MICAL3: variants seen among roughly 807,000 people sequenced by gnomAD.
MICAL3 encodes the protein [F-actin]-monooxygenase MICAL3.
MICAL3 carries 62 observed loss-of-function variants against 207.4 expected under a neutral mutation model. The observed-to-expected ratio is 0.30, with a 90% confidence interval of 0.24 to 0.37. MICAL3 has a LOEUF of 0.37. Ranked by LOEUF, MICAL3 falls within the 10% of genes least tolerant of loss-of-function variation. The pLI, the probability that MICAL3 is intolerant of heterozygous loss-of-function variation, is 1.00. For missense variants in MICAL3, 2,368 were observed against 2,635.6 expected, an observed-to-expected ratio of 0.90 and a Z score of 2.22; for synonymous variants, 1,077 against 1,069.3, an observed-to-expected ratio of 1.01 and a Z score of -0.14.
chr22:17,894,151 C>A (rs1930626306), intron 10 of MICAL3, among the ~76,000 whole-genome samples: 1 of 152,082 alleles, frequency 6.6e-6, no homozygotes, highest in Non-Finnish European at 1.5e-5. Flanking sequence ...GTGGCTCACA[C>A]CTATAATCCC....
chr22:17,856,649 C>G (rs1925931455), intron 19 of MICAL3, among the ~76,000 whole-genome samples: 1 of 125,352 alleles, frequency 8.0e-6, no homozygotes, highest in African/African-American at 3.0e-5. Context: ...GAGTCTCGCT[C>G]TGTCGCCCAG....
At chr22:17,863,695 C>T in intron 19 of MICAL3, 1 of 985,450 alleles carries the variant, frequency 1.0e-6, no homozygotes, top group Non-Finnish European at 1.2e-6. Context: ...GGGCACACCG[C>T]CTAGCCTCTG....
intron 19 of MICAL3, among the ~76,000 whole-genome samples, chr22:17,848,071 C>T (rs947612665): frequency 7.9e-5 from 12 of 152,188 alleles, no homozygotes; most frequent in African/African-American, 2.4e-4. Context: ...CATTCTGAAC[C>T]GCAACGTCTC....
chr22:17,809,303 C>T (rs575043402), intron 28 of MICAL3, among the ~76,000 whole-genome samples: 2 of 152,290 alleles, frequency 1.3e-5, no homozygotes, highest in Admixed American at 1.3e-4. Flanking sequence ...GAGGGGGTTC[C>T]TGAAGAGTGC....
intron 21 of MICAL3, 42 bp downstream of exon 21, chr22:17,831,812 T>TG (rs1281820805): frequency 1.3e-6 from 2 of 1,537,300 alleles, no homozygotes; most frequent in Non-Finnish European, 1.8e-6. Context: ...CAGATCACTT[T>TG]GGGGGGCAGG....
chr22:17,810,931 G>T, intron 27 of MICAL3, 118 bp from the exon 28 acceptor site: 1 of 750,422 alleles, frequency 1.3e-6, no homozygotes. Context: ...TGGTACCCGG[G>T]CAGATAGGAC....
chr22:18,014,216 G>A (rs573170884), intron 1 of MICAL3, among the ~76,000 whole-genome samples: 16 of 152,210 alleles, frequency 1.1e-4, no homozygotes, highest in Admixed American at 2.6e-4. Context: ...CACAGGGTGC[G>A]CATAATACAA....
At chr22:18,015,912 A>G (rs1924026183) in intron 1 of MICAL3, among the ~76,000 whole-genome samples, 1 of 152,216 alleles carries the variant, frequency 6.6e-6, no homozygotes, top group Non-Finnish European at 1.5e-5. Flanking sequence ...TCCCTATAAT[A>G]TTAGACATTT....
At chr22:17,842,329 G>A in intron 19 of MICAL3, 1 of 326,196 alleles carries the variant, frequency 3.1e-6, no homozygotes, top group East Asian at 4.9e-5. Flanking sequence ...GAGGGGTGTG[G>A]GCCAGACCGC....
chr22:17,938,329 G>C (rs746989513), intron 1 of MICAL3, among the ~76,000 whole-genome samples: 65 of 152,148 alleles, frequency 4.3e-4, no homozygotes, highest in Non-Finnish European at 7.9e-4. Context: ...TCCATAGGGG[G>C]ACCAGAGCAA....
chr22:17,957,441 G>C (rs552645429), intron 1 of MICAL3, among the ~76,000 whole-genome samples: 1 of 152,336 alleles, frequency 6.6e-6, no homozygotes, highest in Non-Finnish European at 1.5e-5. Context: ...CTGAGAGCCT[G>C]GGCTCGATGG....
At chr22:17,973,086 T>G (rs968904488) in intron 1 of MICAL3, among the ~76,000 whole-genome samples, 1 of 152,260 alleles carries the variant, frequency 6.6e-6, no homozygotes, top group Admixed American at 6.5e-5. Context: ...CGAGCCTACT[T>G]GCTGTGGGTC....
At position 17,818,315 on chromosome 22, in the gene MICAL3, T is replaced by C. The variant is rs562305183; in HGVS notation, c.4346A>G (p.Asp1449Gly). Residue 1449 changes from aspartate to glycine, a missense_variant, in exon 26 of 32, where the codon GAC (aspartate) becomes GGC (glycine). Coordinates refer to ENST00000441493, the MANE Select transcript of MICAL3 (RefSeq NM_015241.3). ...GGAGGGGGGCGTGAGCATGGCGGAG[T>C]CCGAGGTGTTGAAGCTCTGGCTGCC... ...TLGSQSFNTSDSAMLTPPSSP... is the reference protein window; with the variant it reads ...TLGSQSFNTSGSAMLTPPSSP... 1.3e-6 allele frequency: 2 copies of C among 1,565,122 alleles called. No individual in the cohort carries two copies. Among genetic ancestry groups the C allele is most frequent in the East Asian group, 2.3e-5 (1 of 44,064 alleles).
intron 19 of MICAL3, chr22:17,860,925 TTACTA>T (rs1926453400): frequency 1.0e-6 from 1 of 985,074 alleles, no homozygotes; most frequent in Non-Finnish European, 1.2e-6. Flanking sequence ...ATTATTATAA[TTACTA>T]TAATTTAGGG....
Position 17,799,982 on chromosome 22 carries a change from A to G in MICAL3, c.5651-8681T>C, listed in dbSNP as rs546380378. Among the ~76,000 whole-genome samples the G allele has an allele frequency of 2.9e-3, 429 of 147,760 alleles. 4 individuals are homozygous for G. Among genetic ancestry groups the G allele is most frequent in the South Asian group, 7.6e-3 (35 of 4,612 alleles). ...CACACACACACACACACACACACACACGCGTTGGGAAACCTCGCAGGTTCC... is the reference window on the plus strand; with the variant it reads ...CACACACACACACACACACACACACGCGCGTTGGGAAACCTCGCAGGTTCC... On this transcript the variant is annotated intron_variant, in intron 29 of 31. Coordinates refer to ENST00000441493, the MANE Select transcript of MICAL3 (RefSeq NM_015241.3).
intron 16 of MICAL3, among the ~76,000 whole-genome samples, chr22:17,875,862 C>T (rs1928279665): frequency 6.6e-6 from 1 of 152,114 alleles, no homozygotes; most frequent in African/African-American, 2.4e-5. Context: ...AGGCAGCCTG[C>T]AGGAAGGGCA....
At chr22:18,017,361 C>T (rs1056764235) in intron 1 of MICAL3, among the ~76,000 whole-genome samples, 2 of 151,570 alleles carry the variant, frequency 1.3e-5, no homozygotes, top group Non-Finnish European at 2.9e-5. Flanking sequence ...TTACAGGTGC[C>T]TGATACCATG....
chr22:17,898,303 T>C (rs773300993), intron 7 of MICAL3, among the ~76,000 whole-genome samples: 1 of 152,222 alleles, frequency 6.6e-6, no homozygotes, highest in Non-Finnish European at 1.5e-5. Context: ...CCCAGATAAT[T>C]AGCAAGGCAA....
chr22:17,788,944 G>A lies in MICAL3; in HGVS notation c.*1788C>T, dbSNP rs11541676. ...GCCCCAGCCCACGGAGGCGGCAGGC[G>A]GCTGGAGCGCCCCTGGCAGGCGGGT... On this transcript the variant is annotated 3_prime_UTR_variant, in exon 32 of 32. Transcript: ENST00000441493. 0.16 allele frequency: 24,762 copies of A among 152,536 alleles called. 2,635 individuals are homozygous for A. Among genetic ancestry groups the A allele is most frequent in the Non-Finnish European group, 0.24 (16,592 of 68,194 alleles). 9.4% of individuals were successfully genotyped at this position (152,536 alleles called of 1,614,324 possible).
Sources: gnomAD v4.1 joint callset for allele counts (sites outside exome capture counted in the v4.1 genomes callset) on GRCh38, gnomAD v4.1.1 for gene constraint, MANE v1.5 for transcripts, NCBI Gene and HGNC (gene_info 2026-07-23, HGNC 2026-07-21) for gene names.